The following STK33 variants were observed in gnomAD, a reference collection of about 807,000 sequenced individuals.
The protein encoded by STK33 is serine/threonine kinase 33.
Under a neutral mutation model 58.0 loss-of-function variants are expected in STK33, and 52 were observed. The ratio of observed to expected loss-of-function variants is 0.90; its 90% CI spans 0.72 to 1.13. The LOEUF is 1.13. Among genes scored for constraint, STK33 ranks in the 50% most tolerant of loss-of-function variants. The pLI, the probability that STK33 is intolerant of heterozygous loss-of-function variation, is 0.00. For synonymous variants in STK33, 215 were observed against 200.1 expected (o/e 1.07, Z -0.63); for missense variants, 630 against 604.2 (o/e 1.04, Z -0.45).
intron 1 of STK33, among the ~76,000 whole-genome samples, chr11:8,593,331 T>C (rs779708443): frequency 2.0e-5 from 3 of 152,136 alleles, no homozygotes; most frequent in Non-Finnish European, 4.4e-5. Flanking sequence ...TTGGAGTCAT[T>C]TGGTGGTCAG....
chr11:8,479,713 T>A (rs1429476901), intron 2 of STK33, among the ~76,000 whole-genome samples: 1 of 151,976 alleles, frequency 6.6e-6, no homozygotes, highest in Non-Finnish European at 1.5e-5. Flanking sequence ...CGTGGTGGTG[T>A]GCTCCTGTAG....
intron 1 of STK33, among the ~76,000 whole-genome samples, chr11:8,582,478 A>C (rs1591900664): frequency 6.6e-6 from 1 of 152,170 alleles, no homozygotes; most frequent in African/African-American, 2.4e-5. Flanking sequence ...GGGGAAGCAG[A>C]CACTTTCTTC....
chr11:8,439,888 AGAGGCTTT>A (rs1944530835), intron 12 of STK33, among the ~76,000 whole-genome samples: 8 of 57,212 alleles, frequency 1.4e-4, no homozygotes, highest in Non-Finnish European at 2.3e-4. Context: ...TATATATATC[AGAGGCTTT>A]TATATATATA....
At chr11:8,512,775 T>C (rs548579340) in intron 1 of STK33, among the ~76,000 whole-genome samples, 1 of 152,304 alleles carries the variant, frequency 6.6e-6, no homozygotes, top group East Asian at 1.9e-4. Flanking sequence ...AGCATGACTT[T>C]GCTAGGGAAG....
chr11:8,581,952 A>C (rs2030382843), intron 1 of STK33, among the ~76,000 whole-genome samples: 2 of 152,240 alleles, frequency 1.3e-5, no homozygotes, highest in Non-Finnish European at 2.9e-5. Context: ...GAAACCACTA[A>C]TACAGCACTC....
intron 1 of STK33, among the ~76,000 whole-genome samples, chr11:8,537,965 T>C (rs944337365): frequency 2.6e-5 from 4 of 151,292 alleles, no homozygotes; most frequent in South Asian, 2.1e-4. Flanking sequence ...GGCAGGAGGA[T>C]TGCTTGAGCC....
intron 14 of STK33, among the ~76,000 whole-genome samples, chr11:8,423,623 C>T (rs1017645293): frequency 6.6e-6 from 1 of 152,066 alleles, no homozygotes; most frequent in Middle Eastern, 3.2e-3. Flanking sequence ...TTCCTTGCTT[C>T]ACGGCCTAGG....
chr11:8,364,162 G>A, the STK33 span, among the ~76,000 whole-genome samples: 9 of 152,144 alleles, frequency 5.9e-5, no homozygotes, highest in Non-Finnish European at 1.0e-4. Flanking sequence ...ATGTCAATAC[G>A]TTCGTCTTCA....
chr11:8,444,556 G>A (rs1316836267), intron 11 of STK33, among the ~76,000 whole-genome samples: 3 of 152,016 alleles, frequency 2.0e-5, no homozygotes, highest in African/African-American at 7.2e-5. Context: ...TATACATATA[G>A]AAACTGTGAT....
intron 1 of STK33, among the ~76,000 whole-genome samples, chr11:8,589,575 A>G (rs955127757): frequency 2.6e-5 from 4 of 152,190 alleles, no homozygotes; most frequent in Non-Finnish European, 5.9e-5. Context: ...CTGGAATTAA[A>G]TAGTAGTTAT....
intron 1 of STK33, among the ~76,000 whole-genome samples, chr11:8,487,660 G>T (rs1017016811): frequency 9.2e-5 from 14 of 152,044 alleles, no homozygotes; most frequent in African/African-American, 3.4e-4. Context: ...ATTTCTTGAA[G>T]GGAAGATTGG....
chr11:8,472,638 T>C (rs1440510979), intron 6 of STK33, among the ~76,000 whole-genome samples: 4 of 152,250 alleles, frequency 2.6e-5, no homozygotes, highest in Non-Finnish European at 4.4e-5. Flanking sequence ...TTGTTCTTAT[T>C]GCAGTTTCTT....
chr11:8,404,450 G>T (rs774506066), intron 15 of STK33, among the ~76,000 whole-genome samples: 4 of 152,072 alleles, frequency 2.6e-5, no homozygotes, highest in Non-Finnish European at 4.4e-5. Flanking sequence ...TCTCCTGGGG[G>T]CCACAACTAT....
At chr11:8,359,464 G>A in the STK33 span, among the ~76,000 whole-genome samples, 2 of 152,242 alleles carry the variant, frequency 1.3e-5, no homozygotes, top group African/African-American at 4.8e-5. Context: ...ACGGCAGGGA[G>A]AGGTGCTGGT....
At chr11:8,537,666 G>A (rs909465825) in intron 1 of STK33, among the ~76,000 whole-genome samples, 1 of 151,962 alleles carries the variant, frequency 6.6e-6, no homozygotes, top group African/African-American at 2.4e-5. Flanking sequence ...CAGCACTTTG[G>A]GAGGCCAAGG....
chr11:8,353,354 G>A, the STK33 span, among the ~76,000 whole-genome samples: 20 of 152,176 alleles, frequency 1.3e-4, no homozygotes, highest in Admixed American at 9.8e-4. Flanking sequence ...GCTGGGAGCA[G>A]TTGTCAAAGC....
At chr11:8,386,500 G>A in the STK33 span, among the ~76,000 whole-genome samples, 5 of 152,230 alleles carry the variant, frequency 3.3e-5, no homozygotes, top group Non-Finnish European at 7.3e-5. Flanking sequence ...ACAGCAATGA[G>A]GATCCTGAAT....
At chr11:8,518,854 AC>A (rs1377758506) in intron 1 of STK33, among the ~76,000 whole-genome samples, 1 of 152,194 alleles carries the variant, frequency 6.6e-6, no homozygotes, top group Non-Finnish European at 1.5e-5. Context: ...GTCCTTAGAG[AC>A]CTATGAAGAG....
chr11:8,551,484 CT>C (rs1956298063), intron 1 of STK33, among the ~76,000 whole-genome samples: 1 of 152,136 alleles, frequency 6.6e-6, no homozygotes, highest in South Asian at 2.1e-4. Flanking sequence ...TCTGGGTCCA[CT>C]GCTAGAGCTT....
Sources: gnomAD v4.1 joint callset for allele counts (sites outside exome capture counted in the v4.1 genomes callset) on GRCh38, gnomAD v4.1.1 for gene constraint, MANE v1.5 for transcripts, NCBI Gene and HGNC (gene_info 2026-07-23, HGNC 2026-07-21) for gene names.